The following KSR1 variants were observed in gnomAD, a reference collection of about 807,000 sequenced individuals.
KSR1 encodes kinase suppressor of ras.
A neutral mutation model predicts 92.9 loss-of-function variants in KSR1; 35 were observed. The ratio of observed to expected loss-of-function variants is 0.38; its 90% CI spans 0.29 to 0.50. The LOEUF is 0.50. Among genes scored for constraint, KSR1 ranks in the 20% least tolerant of loss-of-function variants. KSR1 has a pLI of 0.94. For synonymous variants in KSR1, 467 were observed against 472.6 expected (o/e 0.99, Z 0.15); for missense variants, 972 against 1,158.5 (o/e 0.84, Z 2.34).
chr17:27,563,636 C>T (rs559203606), intron 2 of KSR1, among the ~76,000 whole-genome samples: 2 of 152,352 alleles, frequency 1.3e-5, no homozygotes, highest in African/African-American at 2.4e-5. Context: ...ACCTTTGAGG[C>T]CCCTTAAGTA....
At chr17:27,599,139 T>G (rs965574817) in intron 10 of KSR1, among the ~76,000 whole-genome samples, 3 of 152,274 alleles carry the variant, frequency 2.0e-5, no homozygotes, top group Admixed American at 1.3e-4. Flanking sequence ...CTGTTGTTTC[T>G]AGACTGCAAA....
intron 1 of KSR1, among the ~76,000 whole-genome samples, chr17:27,485,126 G>C (rs1425176497): frequency 1.3e-5 from 2 of 152,166 alleles, no homozygotes; most frequent in African/African-American, 4.8e-5. Context: ...ATACAAGAGA[G>C]TCCACCAGCT....
chr17:27,547,684 G>A (rs561880593), intron 1 of KSR1, among the ~76,000 whole-genome samples: 45 of 152,122 alleles, frequency 3.0e-4, no homozygotes, highest in Middle Eastern at 3.4e-3. Flanking sequence ...AGTCAGACAA[G>A]GGATACTCAG....
intron 2 of KSR1, among the ~76,000 whole-genome samples, chr17:27,570,632 A>G (rs1343424811): frequency 2.0e-5 from 3 of 152,106 alleles, no homozygotes; most frequent in Admixed American, 2.0e-4. Flanking sequence ...TGCTTTGTGG[A>G]GAGGGAGGCA....
At chr17:27,480,730 T>C (rs991585345) in intron 1 of KSR1, among the ~76,000 whole-genome samples, 1 of 152,202 alleles carries the variant, frequency 6.6e-6, no homozygotes, top group African/African-American at 2.4e-5. Context: ...AGTAGATGCT[T>C]AAATAATATT....
chr17:27,617,073 A>T (rs1389146504), intron 18 of KSR1, among the ~76,000 whole-genome samples: 1 of 152,114 alleles, frequency 6.6e-6, no homozygotes, highest in Admixed American at 6.5e-5. Context: ...TCTAAGAAGG[A>T]AGGAGGTGAG....
intron 1 of KSR1, among the ~76,000 whole-genome samples, chr17:27,467,813 G>GTTT (rs200085439): frequency 1.0e-4 from 14 of 139,388 alleles, no homozygotes; most frequent in Admixed American, 2.9e-4. Context: ...TTTATGTTTT[G>GTTT]TTTTTTTTTT....
At chr17:27,613,060 G>A (rs2073962075) in intron 18 of KSR1, 1 of 152,188 alleles carries the variant, frequency 6.6e-6, no homozygotes, top group Admixed American at 6.5e-5. Flanking sequence ...TATTTGTACG[G>A]GGATGCCCCT....
chr17:27,532,299 C>T (rs940152549), intron 1 of KSR1, among the ~76,000 whole-genome samples: 6 of 152,136 alleles, frequency 3.9e-5, no homozygotes, highest in African/African-American at 1.4e-4. Flanking sequence ...TTTCTCAGTG[C>T]GGGTGAGCTA....
intron 2 of KSR1, among the ~76,000 whole-genome samples, chr17:27,564,736 A>ACCCCCCCC (rs34194473): frequency 9.9e-6 from 1 of 101,380 alleles, no homozygotes. Flanking sequence ...AAGATGGAAG[A>ACCCCCCCC]CCCCCCCCCC....
At chr17:27,594,865 T>C (rs2073288921) in intron 9 of KSR1, among the ~76,000 whole-genome samples, 1 of 152,150 alleles carries the variant, frequency 6.6e-6, no homozygotes, top group African/African-American at 2.4e-5. Context: ...ATATTGATTG[T>C]TGAATGATTG....
At chr17:27,601,299 C>A in intron 10 of KSR1, 61 bp from the exon 11 acceptor site, 1 of 1,455,244 alleles carries the variant, frequency 6.9e-7, no homozygotes, top group East Asian at 2.3e-5. Context: ...CCTGCAATTC[C>A]GCTCCTCCCT....
chr17:27,564,547 C>T (rs1180659069), intron 2 of KSR1, among the ~76,000 whole-genome samples: 2 of 152,192 alleles, frequency 1.3e-5, no homozygotes, highest in Admixed American at 1.3e-4. Context: ...GACAGGCTTG[C>T]TCCGCATGGC....
At chr17:27,548,487 C>T (rs147843491) in intron 1 of KSR1, among the ~76,000 whole-genome samples, 15 of 152,070 alleles carry the variant, frequency 9.9e-5, no homozygotes, top group South Asian at 2.1e-4. Context: ...GCTAAGGTCC[C>T]GGTGCAGTGG....
intron 1 of KSR1, among the ~76,000 whole-genome samples, chr17:27,458,349 G>A (rs1172256565): frequency 1.3e-5 from 2 of 152,162 alleles, no homozygotes; most frequent in African/African-American, 4.8e-5. Context: ...AGGAGGGGTC[G>A]CTGTCTGGCA....
chr17:27,556,395 AT>A (rs1323064791), intron 2 of KSR1, among the ~76,000 whole-genome samples: 2 of 151,456 alleles, frequency 1.3e-5, no homozygotes, highest in Non-Finnish European at 2.9e-5. Flanking sequence ...ATATATTTTA[AT>A]TTTTTTGTAG....
At position 27,559,479 on chromosome 17, in the gene KSR1, G is replaced by A. The variant is rs1249217471; in HGVS notation, c.372+8771G>A. 6.6e-6 allele frequency among the ~76,000 whole-genome samples: 1 copy of A among 152,258 alleles called. No homozygotes were observed. The highest frequency in any genetic ancestry group is 1.5e-5 in the Non-Finnish European group (1 of 68,038). Reference sequence around the variant, plus strand: ...TATGTGGCTTGGGGACACTTGAAATGTGTATAGTGCAGCTGAGAAACTGAA... The same window carrying A: ...TATGTGGCTTGGGGACACTTGAAATATGTATAGTGCAGCTGAGAAACTGAA... On this transcript the variant is annotated intron_variant, in intron 2 of 20. Transcript: ENST00000644974. This position sits in a 1 kb window ranked among gnomAD's most constrained non-coding sequence, Gnocchi z 4.2.
chr17:27,502,148 A>C (rs905943428), intron 1 of KSR1, among the ~76,000 whole-genome samples: 2 of 152,216 alleles, frequency 1.3e-5, no homozygotes, highest in Non-Finnish European at 2.9e-5. Context: ...AGAGCCTTTC[A>C]GCTAGGAAAT....
At chr17:27,565,086 T>C (rs1169469149) in intron 2 of KSR1, among the ~76,000 whole-genome samples, 2 of 152,216 alleles carry the variant, frequency 1.3e-5, no homozygotes, top group African/African-American at 4.8e-5. Context: ...AATTTACATA[T>C]ATGTTTATTT....
Sources: gnomAD v4.1 joint callset for allele counts (sites outside exome capture counted in the v4.1 genomes callset) on GRCh38, gnomAD v4.1.1 for gene constraint, Gnocchi (gnomAD v3.1) non-coding constraint, MANE v1.5 for transcripts, NCBI Gene and HGNC (gene_info 2026-07-23, HGNC 2026-07-21) for gene names.